Variants in RBFOX1 observed in about 807,000 individuals in gnomAD.
RBFOX1 encodes RNA binding fox-1 homolog 1.
A neutral mutation model predicts 57.7 loss-of-function variants in RBFOX1; 8 were observed. The ratio of observed to expected loss-of-function variants is 0.14; its 90% CI spans 0.08 to 0.25. The LOEUF is 0.25. Ranked by LOEUF, RBFOX1 falls within the 10% of genes least tolerant of loss-of-function variation. The pLI is 1.00. For synonymous variants in RBFOX1, 326 were observed against 222.4 expected (o/e 1.47, Z -4.15); for missense variants, 611 against 548.5 (o/e 1.11, Z -1.14).
At chr16:7,636,332 T>C (rs1384713822) in intron 11 of RBFOX1, among the ~76,000 whole-genome samples, 1 of 152,238 alleles carries the variant, frequency 6.6e-6, no homozygotes, top group Non-Finnish European at 1.5e-5. Context: ...GCCTTTCTCC[T>C]ATTAATGATC....
chr16:5,915,738 G>A (rs369603510), intron 4 of RBFOX1, among the ~76,000 whole-genome samples: 12 of 152,194 alleles, frequency 7.9e-5, no homozygotes, highest in East Asian at 5.8e-4. Flanking sequence ...AGGCTGAGGC[G>A]CGAAAATTGC....
chr16:6,055,804 G>A (rs150951868), intron 1 of RBFOX1, among the ~76,000 whole-genome samples: 1 of 152,024 alleles, frequency 6.6e-6, no homozygotes, highest in Non-Finnish European at 1.5e-5. Context: ...TCTAATTTTA[G>A]TTTATTATAG....
At chr16:6,578,472 A>C (rs902529866) in intron 2 of RBFOX1, among the ~76,000 whole-genome samples, 13 of 152,146 alleles carry the variant, frequency 8.5e-5, no homozygotes, top group African/African-American at 2.9e-4. Context: ...GGTATTTGGG[A>C]GAAATAAATA....
At chr16:6,130,533 A>T (rs2096622298) in intron 1 of RBFOX1, among the ~76,000 whole-genome samples, 1 of 152,174 alleles carries the variant, frequency 6.6e-6, no homozygotes, top group Non-Finnish European at 1.5e-5. Context: ...CATAGAAATA[A>T]TTTCACCAAG....
chr16:5,289,360 C>A, intron 1 of RBFOX1: 1 of 397,500 alleles, frequency 2.5e-6, no homozygotes, highest in Non-Finnish European at 4.8e-6. Context: ...AGGAGGAGGG[C>A]CCATCATTGG....
intron 3 of RBFOX1, among the ~76,000 whole-genome samples, chr16:6,689,636 T>A (rs1226982209): frequency 6.6e-6 from 1 of 152,196 alleles, no homozygotes; most frequent in African/African-American, 2.4e-5. Flanking sequence ...TCTTCCTGAA[T>A]GTAGACATAT....
chr16:5,474,171 A>G (rs1272202447), intron 2 of RBFOX1, among the ~76,000 whole-genome samples: 1 of 152,146 alleles, frequency 6.6e-6, no homozygotes, highest in African/African-American at 2.4e-5. Context: ...GATTATTCAA[A>G]CCCTACCCAT....
chr16:6,538,520 A>C (rs1350845021), intron 2 of RBFOX1, among the ~76,000 whole-genome samples: 1 of 152,150 alleles, frequency 6.6e-6, no homozygotes, highest in Non-Finnish European at 1.5e-5. Context: ...ATGCATATGA[A>C]AATCATGAGG....
At chr16:5,626,140 A>G (rs1425875053) in intron 3 of RBFOX1, among the ~76,000 whole-genome samples, 2 of 152,146 alleles carry the variant, frequency 1.3e-5, no homozygotes, top group Non-Finnish European at 2.9e-5. Context: ...TCGGCCTCCC[A>G]AAGTGCTGGG....
rs144765838 is a variant in RBFOX1, at chr16:7,045,129, C to T, written c.-15-6928C>T. The stretch of plus-strand genomic sequence containing the variant: ...TTAAAGGAGGGGAGGTCACTGGCCA[C>T]CTAACTCATGAGATGTGTATGTCAC... On this transcript the variant is annotated intron_variant, in intron 3 of 15. Transcript: ENST00000550418. Among the ~76,000 whole-genome samples the T allele has an allele frequency of 8.0e-4, 122 of 152,218 alleles. 1 individual carries two copies. In the Middle Eastern group the frequency reaches 0.01, roughly 13 times the overall value.
intron 3 of RBFOX1, among the ~76,000 whole-genome samples, chr16:6,783,641 G>C (rs1022839941): frequency 6.6e-6 from 1 of 151,852 alleles, no homozygotes; most frequent in Non-Finnish European, 1.5e-5. Context: ...TCATAGGTTT[G>C]TCTTTTAGTC....
At chr16:6,756,049 C>T (rs919208987) in intron 3 of RBFOX1, among the ~76,000 whole-genome samples, 2 of 152,116 alleles carry the variant, frequency 1.3e-5, no homozygotes, top group African/African-American at 2.4e-5. Flanking sequence ...AATGAGGTGC[C>T]TCCCAGGGAG....
chr16:7,237,345 G>C (rs1017439168), intron 4 of RBFOX1, among the ~76,000 whole-genome samples: 1 of 152,082 alleles, frequency 6.6e-6, no homozygotes, highest in Non-Finnish European at 1.5e-5. Context: ...AATGGATTTT[G>C]GCCATGCCCT....
At chr16:6,193,391 A>AATATATATATATATATAT (rs1567650996) in intron 1 of RBFOX1, among the ~76,000 whole-genome samples, 1 of 15,744 alleles carries the variant, frequency 6.4e-5, no homozygotes, top group African/African-American at 1.2e-4. Context: ...ATATATATAT[A>AATATATATATATATATAT]CTATATATAT....
intron 1 of RBFOX1, among the ~76,000 whole-genome samples, chr16:6,127,044 G>T (rs1441489458): frequency 1.3e-5 from 2 of 152,162 alleles, no homozygotes; most frequent in Non-Finnish European, 2.9e-5. Context: ...CTTAGAGAGG[G>T]GGAAGGAATC....
At chr16:7,029,046 CTATATATATATA>C (rs1225538161) in intron 3 of RBFOX1, among the ~76,000 whole-genome samples, 8 of 45,214 alleles carry the variant, frequency 1.8e-4, no homozygotes, top group African/African-American at 1.0e-3. Context: ...AAAAAAAAAG[CTATATATATATA>C]TATATATATA....
intron 2 of RBFOX1, among the ~76,000 whole-genome samples, chr16:6,536,907 A>G (rs2096742773): frequency 6.6e-6 from 1 of 152,200 alleles, no homozygotes; most frequent in South Asian, 2.1e-4. Context: ...AGGATATGAC[A>G]TATCTAAATT....
intron 4 of RBFOX1, among the ~76,000 whole-genome samples, chr16:7,311,727 G>T (rs931929780): frequency 6.6e-6 from 1 of 152,100 alleles, no homozygotes; most frequent in African/African-American, 2.4e-5. Context: ...TCCATCTCAA[G>T]TGTCTCACAA....
intron 3 of RBFOX1, among the ~76,000 whole-genome samples, chr16:6,841,063 CTGTT>C (rs768791509): frequency 9.2e-5 from 14 of 152,030 alleles, no homozygotes; most frequent in East Asian, 7.7e-4. Flanking sequence ...TGCAAGCCAC[CTGTT>C]TGTTTGTTTT....
Sources: allele counts gnomAD v4.1 joint callset (sites outside exome capture counted in the v4.1 genomes callset), GRCh38; gene constraint gnomAD v4.1.1; transcripts MANE v1.5; gene names NCBI Gene and HGNC (gene_info 2026-07-23, HGNC 2026-07-21).